Variants in FSTL5 observed in about 807,000 individuals in gnomAD.
FSTL5 encodes follistatin-related protein 5.
Under a neutral mutation model 89.1 loss-of-function variants are expected in FSTL5, and 62 were observed. The observed-to-expected ratio is 0.70, with a 90% CI of 0.57 to 0.86. The LOEUF is 0.86. Ranked by LOEUF, FSTL5 falls within the 40% of genes least tolerant of loss-of-function variation. The probability of loss-of-function intolerance (pLI) is 0.00; values close to 1 mark genes in which losing one functional copy is unlikely to be tolerated. For missense variants in FSTL5, 1,057 were observed against 1,001.6 expected (o/e 1.06, Z -0.75); for synonymous variants, 383 against 346.2 (o/e 1.11, Z -1.18).
chr4:161,872,000 T>C (rs569789261), intron 4 of FSTL5, among the ~76,000 whole-genome samples: 1 of 151,668 alleles, frequency 6.6e-6, no homozygotes, highest in South Asian at 2.1e-4. Context: ...TTTTTAATTT[T>C]TTTTTTTTTT....
At chr4:161,591,183 T>C (rs1733807523) in intron 7 of FSTL5, among the ~76,000 whole-genome samples, 1 of 152,208 alleles carries the variant, frequency 6.6e-6, no homozygotes, top group African/African-American at 2.4e-5. Context: ...TTGAAATTAA[T>C]ATGCTAAGTG....
At chr4:161,476,104 C>CT (rs138187213) in intron 13 of FSTL5, among the ~76,000 whole-genome samples, 24,337 of 145,236 alleles carry the variant, frequency 0.17, 2,435 homozygotes, top group East Asian at 0.38. Flanking sequence ...TTTTTGAAGA[C>CT]TAAGCATTCA....
intron 6 of FSTL5, among the ~76,000 whole-genome samples, chr4:161,660,535 T>C (rs1736669983): frequency 6.6e-6 from 1 of 152,168 alleles, no homozygotes; most frequent in East Asian, 1.9e-4. Flanking sequence ...TCAGTGTGTG[T>C]CATGGGGATT....
chr4:162,062,108 TATATAAC>T (rs1264177488), intron 2 of FSTL5, among the ~76,000 whole-genome samples: 89 of 151,852 alleles, frequency 5.9e-4, no homozygotes, highest in African/African-American at 2.1e-3. Context: ...TCGAAATTTA[TATATAAC>T]ATATATTATA....
At chr4:161,985,034 G>A (rs1398471603) in intron 3 of FSTL5, among the ~76,000 whole-genome samples, 1 of 150,782 alleles carries the variant, frequency 6.6e-6, no homozygotes, top group African/African-American at 2.4e-5. Flanking sequence ...ATGGCTCACT[G>A]CAACCTCCGC....
At chr4:161,643,231 G>A (rs7688569) in intron 7 of FSTL5, among the ~76,000 whole-genome samples, 89,989 of 151,894 alleles carry the variant, frequency 0.59, 26,821 homozygotes, top group South Asian at 0.76. Flanking sequence ...CACTATCTTA[G>A]CTTATTCTTA....
At chr4:161,971,499 A>G (rs535608444) in intron 3 of FSTL5, among the ~76,000 whole-genome samples, 1 of 152,172 alleles carries the variant, frequency 6.6e-6, no homozygotes, top group Admixed American at 6.5e-5. Flanking sequence ...ATACATTCTC[A>G]TACTTGAAAT....
Position 161,777,798 on chromosome 4 carries a change from C to G in FSTL5, c.410-1724G>C, listed in dbSNP as rs532379364. ...AATAATTTCTTGGATTACTGTCTCT[C>G]AGAAGTAAATAACGGCCAGGTGCAG... On this transcript the variant is annotated intron_variant, in intron 4 of 15. Transcript: ENST00000306100. Among the ~76,000 whole-genome samples the G allele has an allele frequency of 1.2e-4, 19 of 152,152 alleles. No individual in the cohort carries two copies. In the South Asian group the frequency reaches 3.9e-3, roughly 32 times the overall value.
intron 4 of FSTL5, among the ~76,000 whole-genome samples, chr4:161,872,128 G>GTTTTTTTGTTTTTTTTTTT (rs1732282226): frequency 1.6e-5 from 1 of 64,144 alleles, no homozygotes; most frequent in African/African-American, 4.2e-5. Flanking sequence ...TTTGTAGTTT[G>GTTTTTTTGTTTTTTTTTTT]TTTTTTTTTT....
At chr4:162,019,863 T>C (rs2095798257) in intron 3 of FSTL5, among the ~76,000 whole-genome samples, 1 of 149,952 alleles carries the variant, frequency 6.7e-6, no homozygotes. Context: ...TATAGAAGTA[T>C]ATATAAATAT....
intron 15 of FSTL5, among the ~76,000 whole-genome samples, chr4:161,390,633 C>T (rs1184411808): frequency 1.3e-5 from 2 of 152,078 alleles, no homozygotes; most frequent in Admixed American, 6.6e-5. Flanking sequence ...AAATTAGTCA[C>T]CTGAGATGCT....
At chr4:161,832,881 T>G (rs1343009328) in intron 4 of FSTL5, among the ~76,000 whole-genome samples, 2 of 150,188 alleles carry the variant, frequency 1.3e-5, no homozygotes, top group Non-Finnish European at 3.0e-5. Context: ...TCTATTTCCT[T>G]CAGTTCTGCT....
chr4:161,407,378 A>T (rs1416748596), intron 15 of FSTL5, among the ~76,000 whole-genome samples: 2 of 152,186 alleles, frequency 1.3e-5, no homozygotes, highest in African/African-American at 4.8e-5. Context: ...AAAGAGAGAA[A>T]ACTGAATGAG....
intron 15 of FSTL5, among the ~76,000 whole-genome samples, chr4:161,449,845 G>A (rs1487057718): frequency 6.6e-6 from 1 of 152,018 alleles, no homozygotes; most frequent in Non-Finnish European, 1.5e-5. Context: ...CCAAATGTTA[G>A]CTGTTCCCTT....
intron 3 of FSTL5, among the ~76,000 whole-genome samples, chr4:161,961,697 A>G (rs907305261): frequency 6.6e-6 from 1 of 151,836 alleles, no homozygotes; most frequent in Non-Finnish European, 1.5e-5. Context: ...ATTTCTCCAT[A>G]GAAAAAAAAG....
chr4:161,778,386 T>A (rs1214205440), intron 4 of FSTL5, among the ~76,000 whole-genome samples: 1 of 152,200 alleles, frequency 6.6e-6, no homozygotes, highest in Non-Finnish European at 1.5e-5. Context: ...ATAATTATGA[T>A]CAATTTTGAC....
chr4:161,863,783 C>G (rs1414859540), intron 4 of FSTL5, among the ~76,000 whole-genome samples: 1 of 152,186 alleles, frequency 6.6e-6, no homozygotes, highest in Non-Finnish European at 1.5e-5. Context: ...AGTGAGCCAA[C>G]AGCCATTTCT....
At chr4:162,054,461 G>A (rs1738474891) in intron 2 of FSTL5, among the ~76,000 whole-genome samples, 1 of 151,610 alleles carries the variant, frequency 6.6e-6, no homozygotes, top group African/African-American at 2.4e-5. Flanking sequence ...TAAATAAATT[G>A]TATAAGGACA....
At chr4:161,887,871 A>C (rs1341729383) in intron 4 of FSTL5, among the ~76,000 whole-genome samples, 1 of 152,194 alleles carries the variant, frequency 6.6e-6, no homozygotes, top group East Asian at 1.9e-4. Context: ...AAGTCTAAAA[A>C]GAATAACACC....
Sources: allele counts gnomAD v4.1 joint callset (sites outside exome capture counted in the v4.1 genomes callset), GRCh38; gene constraint gnomAD v4.1.1; transcripts MANE v1.5; gene names NCBI Gene and HGNC (gene_info 2026-07-23, HGNC 2026-07-21).